The following FHIT variants were observed in gnomAD, a reference collection of about 807,000 sequenced individuals.
The protein encoded by FHIT is bis(5'-adenosyl)-triphosphatase.
Under a neutral mutation model 17.9 loss-of-function variants are expected in FHIT, and 19 were observed. The ratio of observed to expected loss-of-function variants is 1.06; its 90% confidence interval spans 0.74 to 1.56. The LOEUF (loss-of-function observed/expected upper bound fraction) is 1.56, where lower values mean the gene tolerates loss of function less well. Among genes scored for constraint, FHIT ranks in the 40% most tolerant of loss-of-function variants. The probability of loss-of-function intolerance (pLI) is 0.00; values close to 1 mark genes in which losing one functional copy is unlikely to be tolerated. For missense variants in FHIT, 248 were observed against 189.2 expected, an observed-to-expected ratio of 1.31 and a Z score of -1.82; for synonymous variants, 81 against 69.7, an observed-to-expected ratio of 1.16 and a Z score of -0.81.
At chr3:61,139,490 A>T (rs1305883342) in intron 2 of FHIT, among the ~76,000 whole-genome samples, 3 of 151,846 alleles carry the variant, frequency 2.0e-5, no homozygotes, top group African/African-American at 7.3e-5. Flanking sequence ...CAGTATCAAG[A>T]TCTCACATCA....
chr3:61,152,257 G>A (rs926051778), intron 2 of FHIT, among the ~76,000 whole-genome samples: 2 of 152,174 alleles, frequency 1.3e-5, no homozygotes, highest in South Asian at 4.1e-4. Context: ...CTTGAAGGCA[G>A]AAGAATCCTC....
At chr3:60,985,226 G>A (rs913469142) in intron 3 of FHIT, among the ~76,000 whole-genome samples, 6 of 152,140 alleles carry the variant, frequency 3.9e-5, no homozygotes, top group African/African-American at 1.4e-4. Flanking sequence ...CATTTTGAAT[G>A]TGTTCTGTGT....
chr3:60,239,770 C>A (rs1705031920), intron 5 of FHIT, among the ~76,000 whole-genome samples: 1 of 152,108 alleles, frequency 6.6e-6, no homozygotes, highest in African/African-American at 2.4e-5. Context: ...AGACTAAATA[C>A]TTCAGAAAAT....
At chr3:60,040,924 G>C (rs1417779354) in intron 5 of FHIT, among the ~76,000 whole-genome samples, 1 of 151,976 alleles carries the variant, frequency 6.6e-6, no homozygotes, top group Non-Finnish European at 1.5e-5. Flanking sequence ...AACCACCTGG[G>C]GCCTCAAGAT....
At chr3:61,237,579 G>A (rs992536061) in intron 1 of FHIT, among the ~76,000 whole-genome samples, 1 of 152,182 alleles carries the variant, frequency 6.6e-6, no homozygotes, top group Non-Finnish European at 1.5e-5. Flanking sequence ...GATTTATAAA[G>A]TAAAAACTGG....
chr3:61,007,937 T>C (rs916250750), intron 3 of FHIT, among the ~76,000 whole-genome samples: 1 of 152,160 alleles, frequency 6.6e-6, no homozygotes, highest in African/African-American at 2.4e-5. Context: ...TACACTCCTG[T>C]CTCAAGGCAG....
chr3:60,081,020 T>C (rs1303564492), intron 5 of FHIT, among the ~76,000 whole-genome samples: 1 of 151,940 alleles, frequency 6.6e-6, no homozygotes, highest in Non-Finnish European at 1.5e-5. Context: ...GTACATGACA[T>C]GTAATGAAAG....
intron 5 of FHIT, among the ~76,000 whole-genome samples, chr3:60,174,238 CT>C (rs1701567630): frequency 2.6e-5 from 4 of 151,368 alleles, no homozygotes; most frequent in Admixed American, 2.6e-4. Flanking sequence ...GACTGAAGTG[CT>C]TTTTAAAAAG....
At chr3:60,672,365 A>G in intron 4 of FHIT, among the ~76,000 whole-genome samples, 1 of 151,160 alleles carries the variant, frequency 6.6e-6, no homozygotes, top group Non-Finnish European at 1.5e-5. Context: ...GGAAAATTAC[A>G]GTCAAAGGGG....
At chr3:60,626,554 T>G (rs1356890731) in intron 4 of FHIT, among the ~76,000 whole-genome samples, 1 of 152,312 alleles carries the variant, frequency 6.6e-6, no homozygotes, top group African/African-American at 2.4e-5. Context: ...ATATTGTTCT[T>G]GTATCCTAAA....
At chr3:60,308,494 G>GTATATATA (rs1308402989) in intron 5 of FHIT, among the ~76,000 whole-genome samples, 1 of 52,326 alleles carries the variant, frequency 1.9e-5, no homozygotes, top group South Asian at 9.4e-4. Context: ...ATAGGTGTAT[G>GTATATATA]TGTATATATA....
intron 8 of FHIT, among the ~76,000 whole-genome samples, chr3:59,860,660 G>C (rs1470048231): frequency 1.3e-5 from 2 of 152,164 alleles, no homozygotes; most frequent in Admixed American, 6.6e-5. Flanking sequence ...CAGTCAGTGT[G>C]TATCAGTATG....
At chr3:60,134,869 G>T (rs770816826) in intron 5 of FHIT, among the ~76,000 whole-genome samples, 4 of 152,032 alleles carry the variant, frequency 2.6e-5, no homozygotes, top group South Asian at 2.1e-4. Flanking sequence ...TCTTTCACTA[G>T]CTCATTACCA....
chr3:60,114,065 AT>A (rs1559644269), intron 5 of FHIT, among the ~76,000 whole-genome samples: 51 of 104,314 alleles, frequency 4.9e-4, no homozygotes, highest in African/African-American at 1.5e-3. Context: ...ATATATATAT[AT>A]ATATATAATG....
Position 60,096,803 on chromosome 3 carries a change from T to C in FHIT, c.104-82651A>G, listed in dbSNP as rs558621055. 4.6e-5 allele frequency among the ~76,000 whole-genome samples: 7 copies of C among 152,020 alleles called. No individual in the cohort carries two copies. The South Asian group carries it at 6.2e-4, about 14-fold the overall frequency. On this transcript the variant is annotated intron_variant, in intron 5 of 9. Coordinates refer to ENST00000492590, the MANE Select transcript of FHIT (RefSeq NM_002012.4). ...TGTCATGGAATGTTTACAGAGGAAA[T>C]GGTTTTAGGAACCAGAGAGTAGGAA...
chr3:60,206,601 G>T (rs563874309), intron 5 of FHIT, among the ~76,000 whole-genome samples: 1 of 152,118 alleles, frequency 6.6e-6, no homozygotes, highest in East Asian at 1.9e-4. Flanking sequence ...GCACCAAAAC[G>T]AATTTATCAA....
At chr3:60,913,239 T>C (rs1559823654) in intron 3 of FHIT, among the ~76,000 whole-genome samples, 1 of 152,248 alleles carries the variant, frequency 6.6e-6, no homozygotes, top group Non-Finnish European at 1.5e-5. Context: ...GAGACTTGAG[T>C]ATCTAATATA....
intron 4 of FHIT, among the ~76,000 whole-genome samples, chr3:60,772,024 T>C (rs1700059900): frequency 1.3e-5 from 2 of 152,072 alleles, no homozygotes; most frequent in Admixed American, 6.6e-5. Context: ...CTTAAAAGTG[T>C]TGGAAAGAGA....
intron 5 of FHIT, among the ~76,000 whole-genome samples, chr3:60,491,029 C>A (rs2034040847): frequency 6.6e-6 from 1 of 152,034 alleles, no homozygotes; most frequent in African/African-American, 2.4e-5. Context: ...GATCTGGTAA[C>A]CCAAAAAGTA....
Sources: gnomAD v4.1 joint callset for allele counts (sites outside exome capture counted in the v4.1 genomes callset) on GRCh38, gnomAD v4.1.1 for gene constraint, MANE v1.5 for transcripts, NCBI Gene and HGNC (gene_info 2026-07-23, HGNC 2026-07-21) for gene names.